GP2: variants seen among roughly 807,000 people sequenced by gnomAD.
GP2 encodes the protein pancreatic secretory granule membrane major glycoprotein GP2.
GP2 carries 58 observed loss-of-function variants against 60.8 expected under a neutral mutation model. The observed-to-expected ratio is 0.95, with a 90% CI of 0.77 to 1.19. GP2 has a LOEUF of 1.19. Ranked by LOEUF, GP2 falls within the 50% of genes most tolerant of loss-of-function variation. The pLI is 0.00. For synonymous variants in GP2, 280 were observed against 253.4 expected, an observed-to-expected ratio of 1.10 and a Z score of -1.00; for missense variants, 647 against 667.4, an observed-to-expected ratio of 0.97 and a Z score of 0.34.
intron 6 of GP2, 68 bp downstream of exon 6, chr16:20,319,552 C>T: frequency 2.7e-6 from 3 of 1,127,100 alleles, no homozygotes; most frequent in Non-Finnish European, 2.7e-6. Flanking sequence ...TCATAGTCTG[C>T]ACTTGAAGTA....
chr16:20,314,829 T>C lies in GP2; in HGVS notation c.1502-128A>G, dbSNP rs1177552345. The stretch of plus-strand genomic sequence containing the variant: ...ACCACCAGCAAGTTTGTGGCCACAT[T>C]GTGGGGGCATCTAGAATCTGGCACA... On this transcript the variant is annotated intron_variant, in intron 9 of 10. Coordinates refer to ENST00000302555, the MANE Select transcript of GP2 (RefSeq NM_001502.4). The C allele has an allele frequency of 1.4e-5, 10 of 737,858 alleles. No homozygotes were observed. The Admixed American group carries it at 1.9e-4, about 14-fold the overall frequency. 45.7% of individuals were successfully genotyped at this position (737,858 alleles called of 1,614,324 possible).
At position 20,319,783 on chromosome 16, in the gene GP2, C is replaced by CA. The variant is rs751448595; in HGVS notation, c.859-16dup. 5 of 1,601,338 alleles carry CA rather than the reference C, an allele frequency of 3.1e-6. No individual in the cohort carries two copies. Among genetic ancestry groups the CA allele is most frequent in the Non-Finnish European group, 4.3e-6 (5 of 1,168,714 alleles). On this transcript the variant is annotated splice_polypyrimidine_tract_variant and intron_variant, in intron 5 of 10. Transcript: ENST00000302555. ...GTTTGATTTCTCTTTGGCAAAAAAA[C>CA]AAAACCATACAGATGTTTATGTGTA...
In GP2 at chr16:20,320,376, C is replaced by T. The variant is rs758398578; in HGVS notation, c.744G>A (p.Glu248=). The T allele has an allele frequency of 1.2e-6, 2 of 1,613,692 alleles. No individual in the cohort carries two copies. The highest frequency in any genetic ancestry group is 1.7e-6 in the Non-Finnish European group (2 of 1,179,624). The change falls in exon 5 of 11, where the codon GAG becomes GAA. Residue 248 remains glutamate (E), a synonymous_variant. Coordinates refer to ENST00000302555, the MANE Select transcript of GP2 (RefSeq NM_001502.4). ...CLLGGLGLGE[E]VIAYLRDPNC... is the part of the protein sequence containing the mutation. Reference sequence around the variant, plus strand: ...TTGGGTCTCGCAGGTAGGCAATGACCTCCTCCCCCAAACCCAGGCCTCCCA... The same window carrying T: ...TTGGGTCTCGCAGGTAGGCAATGACTTCCTCCCCCAAACCCAGGCCTCCCA...
Position 20,315,952 on chromosome 16 carries a change from T to C in GP2, c.1501+4A>G. ...GGTCTTGTCACTGGGATTTGGCCAC[T>C]TACCTCTCCGAGTGATGGGCCCCAA... is the stretch of plus-strand genomic sequence containing the variant. On this transcript the variant is annotated splice_donor_region_variant and intron_variant, in intron 9 of 10. Coordinates refer to ENST00000302555, the MANE Select transcript of GP2 (RefSeq NM_001502.4). The C allele has an allele frequency of 6.3e-7, 1 of 1,598,890 alleles. No individual in the cohort carries two copies. Among genetic ancestry groups the C allele is most frequent in the Non-Finnish European group, 8.6e-7 (1 of 1,166,126 alleles).
intron 7 of GP2, 78 bp from the exon 8 acceptor site, chr16:20,317,453 C>G: frequency 9.1e-7 from 1 of 1,103,542 alleles, no homozygotes; most frequent in Admixed American, 2.0e-5. Context: ...CGGGTTCCCT[C>G]CATCATGATA....
intron 2 of GP2, among the ~76,000 whole-genome samples, chr16:20,325,688 C>T (rs1281351033): frequency 6.6e-6 from 1 of 152,158 alleles, no homozygotes. Context: ...GCTTACAATA[C>T]ACATTAAAGG....
At chr16:20,315,327 T>A (rs1411412718) in intron 9 of GP2, among the ~76,000 whole-genome samples, 1 of 152,158 alleles carries the variant, frequency 6.6e-6, no homozygotes, top group African/African-American at 2.4e-5. Context: ...AAAAAAAGGC[T>A]TTCATTCTTT....
Position 20,315,962 on chromosome 16 carries a change from G to A in GP2, c.1495C>T (p.Arg499Trp), listed in dbSNP as rs772040937. ...ARVLDLGPITRRGAQSPGVMN... is the reference protein window; with the variant it reads ...ARVLDLGPITWRGAQSPGVMN... ...CTGGGATTTGGCCACTTACCTCTCC[G>A]AGTGATGGGCCCCAAATCTAGAACC... is the stretch of plus-strand genomic sequence containing the variant. Residue 499 changes from arginine to tryptophan, a missense_variant, in exon 9 of 11, where the codon CGG becomes TGG. Coordinates refer to ENST00000302555, the MANE Select transcript of GP2 (RefSeq NM_001502.4). 1.2e-5 allele frequency: 19 copies of A among 1,607,030 alleles called. No homozygotes were observed. The highest frequency in any genetic ancestry group is 1.4e-5 in the Non-Finnish European group (16 of 1,173,686).
Position 20,320,363 on chromosome 16 carries a change from G to C in GP2, c.757C>G (p.Leu253Val). Residue 253 changes from leucine (L) to valine (V), a missense_variant, in exon 5 of 11, where the codon CTG (leucine) becomes GTG (valine). Physicochemically the swap from Leu to Val is conservative, Grantham distance 32. Transcript: ENST00000302555. ...LGLGEEVIAY[L>V]RDPNCSSILQ... is the part of the protein sequence containing the mutation. Reference sequence around the variant, plus strand: ...ATGCTGCTGCAGTTTGGGTCTCGCAGGTAGGCAATGACCTCCTCCCCCAAA... The same window carrying C: ...ATGCTGCTGCAGTTTGGGTCTCGCACGTAGGCAATGACCTCCTCCCCCAAA... 1 of 1,613,910 alleles carries C rather than the reference G, an allele frequency of 6.2e-7. No homozygotes were observed. Among genetic ancestry groups the C allele is most frequent in the Non-Finnish European group, 8.5e-7 (1 of 1,179,798 alleles).
chr16:20,321,110 G>C (rs941616947), intron 4 of GP2, among the ~76,000 whole-genome samples: 2 of 149,592 alleles, frequency 1.3e-5, no homozygotes, highest in African/African-American at 2.5e-5. Flanking sequence ...GAGTGCAGTG[G>C]TCCAATCTCA....
At chr16:20,324,359 G>T in intron 2 of GP2, 103 bp from the exon 3 acceptor site, 1 of 674,976 alleles carries the variant, frequency 1.5e-6, no homozygotes. Context: ...GGACTCCAAT[G>T]AGGACAATAC....
At chr16:20,319,159 G>A (rs1964272773) in intron 6 of GP2, among the ~76,000 whole-genome samples, 1 of 152,044 alleles carries the variant, frequency 6.6e-6, no homozygotes, top group African/African-American at 2.4e-5. Context: ...CGTCTGCAGG[G>A]AAGCTGTTCT....
chr16:20,326,273 C>G, intron 2 of GP2, 65 bp downstream of exon 2: 19 of 1,500,170 alleles, frequency 1.3e-5, no homozygotes, highest in Non-Finnish European at 1.8e-5. Flanking sequence ...ACCTTCTCTG[C>G]ACTTCTATCC....
At chr16:20,324,615 C>A (rs540595828) in intron 2 of GP2, among the ~76,000 whole-genome samples, 1 of 152,288 alleles carries the variant, frequency 6.6e-6, no homozygotes, top group South Asian at 2.1e-4. Context: ...CCTCAAACAT[C>A]ATTAAAATTA....
chr16:20,316,926 CCCCTCCCTTCCCTT>C (rs947777002), intron 8 of GP2, among the ~76,000 whole-genome samples: 28 of 149,214 alleles, frequency 1.9e-4, no homozygotes, highest in Non-Finnish European at 3.6e-4. Flanking sequence ...TCTTCCCTTT[CCCCTCCCTTCCCTT>C]CCCTCCCTCC....
chr16:20,317,282 T>A lies in GP2; in HGVS notation c.1347A>T (p.Gly449=), dbSNP rs1460862825. 1 of 1,613,208 alleles carries A rather than the reference T, an allele frequency of 6.2e-7. No homozygotes were observed. The stretch of plus-strand genomic sequence containing the variant: ...AATGCAGGAAAACTAGGTCATAATG[T>A]CCAGCAAACATGAACATCTGAACTG... ...RFSVQMFMFA[G]HYDLVFLHCE... Residue 449 remains glycine, a synonymous_variant, in exon 8 of 11, where the codon GGA becomes GGT. Coordinates refer to ENST00000302555, the MANE Select transcript of GP2 (RefSeq NM_001502.4).
intron 9 of GP2, 148 bp from the exon 10 acceptor site, chr16:20,314,849 G>A (rs939424070): frequency 2.9e-6 from 2 of 689,076 alleles, no homozygotes; most frequent in African/African-American, 1.8e-5. Flanking sequence ...TCTAGAATCT[G>A]GCACAGGCAC....
chr16:20,323,784 G>A (rs1294757591), intron 3 of GP2, 32 bp downstream of exon 3: 1 of 1,446,576 alleles, frequency 6.9e-7, no homozygotes, highest in East Asian at 2.3e-5. Flanking sequence ...CATTGGCTGT[G>A]TAGCTGCCTC....
intron 10 of GP2, among the ~76,000 whole-genome samples, chr16:20,313,673 C>T (rs998418000): frequency 7.2e-5 from 11 of 152,200 alleles, no homozygotes; most frequent in Non-Finnish European, 1.5e-4. Flanking sequence ...GCACATGGCC[C>T]ACCCAGAGTA....
Sources: allele counts gnomAD v4.1 joint callset (sites outside exome capture counted in the v4.1 genomes callset), GRCh38; gene constraint gnomAD v4.1.1; transcripts MANE v1.5; gene names NCBI Gene and HGNC (gene_info 2026-07-23, HGNC 2026-07-21).